The following GBF1 variants were observed in gnomAD, a reference collection of about 807,000 sequenced individuals.
GBF1 encodes golgi brefeldin A resistant guanine nucleotide exchange factor 1.
Under a neutral mutation model 210.5 loss-of-function variants are expected in GBF1, and 114 were observed. The observed-to-expected ratio is 0.54, with a 90% confidence interval of 0.47 to 0.63. GBF1 has a LOEUF of 0.63. GBF1 is among the 30% of genes least tolerant of loss of function. The probability of loss-of-function intolerance (pLI) is 0.00; values close to 1 mark genes in which losing one functional copy is unlikely to be tolerated. For missense variants in GBF1, 1,851 were observed against 2,357.7 expected (o/e 0.79, Z 4.45); for synonymous variants, 850 against 889.2 (o/e 0.96, Z 0.78).
intron 39 of GBF1, among the ~76,000 whole-genome samples, chr10:102,381,545 A>T (rs928661603): frequency 3.3e-5 from 5 of 152,122 alleles, no homozygotes; most frequent in Admixed American, 2.6e-4. Context: ...CCTGGCGGCC[A>T]GGCGCAGTGG....
chr10:102,374,989 A>G (rs1811791664), intron 29 of GBF1, among the ~76,000 whole-genome samples: 1 of 151,844 alleles, frequency 6.6e-6, no homozygotes, highest in African/African-American at 2.4e-5. Context: ...TGGGCAACAT[A>G]GCGAGACCCC....
the GBF1 span, among the ~76,000 whole-genome samples, chr10:102,233,000 A>C: frequency 6.6e-6 from 1 of 152,206 alleles, no homozygotes; most frequent in Non-Finnish European, 1.5e-5. Context: ...CCGTAACTTG[A>C]AGGAACTTGA....
intron 3 of GBF1, among the ~76,000 whole-genome samples, chr10:102,334,012 T>C (rs2057537810): frequency 6.6e-6 from 1 of 152,218 alleles, no homozygotes; most frequent in Admixed American, 6.5e-5. Context: ...AATTTCTTTT[T>C]TTATCATGCT....
At chr10:102,243,809 C>T (rs575132873), upstream of GBF1, among the ~76,000 whole-genome samples, 3 of 152,190 alleles carry the variant, frequency 2.0e-5, no homozygotes, top group East Asian at 1.9e-4. Context: ...GGGTTCTTCA[C>T]GTCTGATATC....
At position 102,367,578 on chromosome 10, in the gene GBF1, A is replaced by G. The variant is rs1565170463; in HGVS notation, c.2642+18A>G. 7.8e-7 allele frequency: 1 copy of G among 1,285,346 alleles called. No homozygotes were observed. The highest frequency in any genetic ancestry group is 1.1e-6 in the Non-Finnish European group (1 of 879,438). The allele number at this position is 1,285,346 out of a possible 1,614,324, so 79.6% of individuals were successfully genotyped here. On this transcript the variant is annotated intron_variant, in intron 21 of 39. Transcript: ENST00000369983. Reference sequence around the variant, plus strand: ...GCCATCAAGTGAGTATACATAGAGAATAGTGCAGTATCTCTGTTAAGAAGA... The same window carrying G: ...GCCATCAAGTGAGTATACATAGAGAGTAGTGCAGTATCTCTGTTAAGAAGA...
chr10:102,371,065 C>T (rs1167522632), intron 29 of GBF1, among the ~76,000 whole-genome samples: 2 of 152,140 alleles, frequency 1.3e-5, no homozygotes, highest in African/African-American at 4.8e-5. Flanking sequence ...GTGTTTGGCA[C>T]CTCAGCCTCC....
intron 33 of GBF1, among the ~76,000 whole-genome samples, chr10:102,379,025 G>T (rs916932512): frequency 1.3e-5 from 2 of 152,210 alleles, no homozygotes; most frequent in African/African-American, 4.8e-5. Flanking sequence ...CTCACTGTGA[G>T]TAAGGATTGT....
chr10:102,361,885 T>G lies in GBF1; in HGVS notation c.1659T>G (p.Phe553Leu). The change falls in exon 14 of 40, where the codon TTT becomes TTG. Residue 553 changes from phenylalanine (F) to leucine (L), a missense_variant. Phe to Leu is a conservative substitution (Grantham distance 22). Around this residue, in one of 3 missense-constraint regions of GBF1, gnomAD observed 804 missense variants for 958.6 expected, o/e 0.84. Coordinates refer to ENST00000369983, the MANE Select transcript of GBF1 (RefSeq NM_001377137.1). ...GTGACTACTACTGTTCCAACCTCTT[T>G]GAGGAACTCACAAAGCTGCTGTCCA... ...YDCDYYCSNL[F>L]EELTKLLSKN... 6.2e-7 allele frequency: 1 copy of G among 1,607,602 alleles called. No homozygotes were observed. The highest frequency in any genetic ancestry group is 8.5e-7 in the Non-Finnish European group (1 of 1,177,002).
intron 3 of GBF1, among the ~76,000 whole-genome samples, chr10:102,267,297 C>G (rs2073957231): frequency 6.6e-6 from 1 of 152,098 alleles, no homozygotes; most frequent in Non-Finnish European, 1.5e-5. Flanking sequence ...TTGAGGTCAG[C>G]AGTTCGAGAC....
chr10:102,372,031 C>T (rs1354011063), intron 29 of GBF1, among the ~76,000 whole-genome samples: 7 of 151,684 alleles, frequency 4.6e-5, no homozygotes, highest in South Asian at 2.1e-4. Flanking sequence ...GCCTGACTAA[C>T]GTGGTGAAAC....
intron 29 of GBF1, among the ~76,000 whole-genome samples, chr10:102,372,363 G>T: frequency 6.6e-6 from 1 of 150,812 alleles, no homozygotes; most frequent in Non-Finnish European, 1.5e-5. Flanking sequence ...TAAAAATACA[G>T]AATTAGCCAG....
chr10:102,353,517 G>T (rs1002641906), intron 7 of GBF1, 83 bp from the exon 8 acceptor site: 10 of 911,586 alleles, frequency 1.1e-5, no homozygotes, highest in African/African-American at 3.2e-5. Flanking sequence ...CTCTGGCTCA[G>T]AGCACCTTTG....
At chr10:102,328,084 T>G (rs984169944) in intron 3 of GBF1, among the ~76,000 whole-genome samples, 3 of 152,236 alleles carry the variant, frequency 2.0e-5, no homozygotes, top group African/African-American at 7.2e-5. Flanking sequence ...ACCATACTTA[T>G]CCTAGCTCCA....
At chr10:102,337,300 G>A (rs1565126166) in intron 3 of GBF1, among the ~76,000 whole-genome samples, 3 of 16,304 alleles carry the variant, frequency 1.8e-4, no homozygotes, top group East Asian at 1.8e-3. Flanking sequence ...ATGGTGCGTG[G>A]GGGAGCTTGC....
Position 102,363,281 on chromosome 10 carries a change from A to G in GBF1, c.1902A>G (p.Lys634=), listed in dbSNP as rs1284391990. 2.5e-6 allele frequency: 4 copies of G among 1,613,254 alleles called. No homozygotes were observed. The African/African-American group carries it at 4.0e-5, about 16-fold the overall frequency. ...CTGAGAGAACTGCCAGCGATGGGAA[A>G]GCTGTAGGCATGGCCTCAGACATCC... ...SNTERTASDG[K]AVGMASDIPG... Residue 634 remains lysine (K), a synonymous_variant, in exon 16 of 40, where the codon AAA becomes AAG. Transcript: ENST00000369983. This position sits in a 1 kb window ranked among gnomAD's most constrained non-coding sequence, Gnocchi z 4.2.
chr10:102,287,215 G>C (rs1300523097), intron 3 of GBF1, among the ~76,000 whole-genome samples: 1 of 151,348 alleles, frequency 6.6e-6, no homozygotes, highest in African/African-American at 2.4e-5. Context: ...CGATTGCTGG[G>C]TAACAAATTA....
In GBF1 at chr10:102,358,187, G is replaced by T. The variant is rs753675350; in HGVS notation, c.787+1G>T. On this transcript the variant is annotated splice_donor_variant, in intron 9 of 39. Coordinates refer to ENST00000369983, the MANE Select transcript of GBF1 (RefSeq NM_001377137.1). LOFTEE classifies it high-confidence loss of function. ...ACCACCTTATCATCTAACCTCACTG[G>T]TGAGTGCCCTGGACTACTTCCTCTG... 4 of 1,612,820 alleles carry T rather than the reference G, an allele frequency of 2.5e-6. No homozygotes were observed. The highest frequency in any genetic ancestry group is 3.4e-6 in the Non-Finnish European group (4 of 1,179,018).
intron 3 of GBF1, among the ~76,000 whole-genome samples, chr10:102,273,830 AT>A (rs2074663935): frequency 6.6e-6 from 1 of 152,218 alleles, no homozygotes; most frequent in African/African-American, 2.4e-5. Context: ...TAGAGTAAGT[AT>A]TCTTCCCCAA....
intron 3 of GBF1, among the ~76,000 whole-genome samples, chr10:102,312,338 C>T (rs1249321773): frequency 6.6e-6 from 1 of 151,998 alleles, no homozygotes. Context: ...CTCTCTCTGC[C>T]CTACTCTGCT....
Sources: gnomAD v4.1 joint callset for allele counts (sites outside exome capture counted in the v4.1 genomes callset) on GRCh38, gnomAD v4.1.1 for gene constraint, gnomAD v4.1.1 regional missense constraint, Gnocchi (gnomAD v3.1) non-coding constraint, MANE v1.5 for transcripts, NCBI Gene and HGNC (gene_info 2026-07-23, HGNC 2026-07-21) for gene names.